The following CSRNP3 variants were observed in gnomAD, a reference collection of about 807,000 sequenced individuals.
CSRNP3 encodes cysteine/serine-rich nuclear protein 3.
A neutral mutation model predicts 48.0 loss-of-function variants in CSRNP3; 12 were observed. The observed-to-expected ratio is 0.25, with a 90% CI of 0.16 to 0.41. The LOEUF (loss-of-function observed/expected upper bound fraction) is 0.41. CSRNP3 is among the 10% of genes least tolerant of loss of function. CSRNP3 has a pLI of 1.00. For synonymous variants in CSRNP3, 263 were observed against 269.7 expected (o/e 0.98, Z 0.24); for missense variants, 580 against 724.4 (o/e 0.80, Z 2.29).
intron 1 of CSRNP3, among the ~76,000 whole-genome samples, chr2:165,478,684 T>C (rs1040869644): frequency 5.9e-5 from 9 of 152,358 alleles, no homozygotes; most frequent in Non-Finnish European, 8.8e-5. Flanking sequence ...GTAGGAAACC[T>C]ATGCCAAGTT....
At chr2:165,641,204 T>C (rs1409768377) in intron 4 of CSRNP3, among the ~76,000 whole-genome samples, 1 of 152,202 alleles carries the variant, frequency 6.6e-6, no homozygotes, top group African/African-American at 2.4e-5. Flanking sequence ...ACCACAACAA[T>C]GGTTCACCAG....
chr2:165,527,665 C>T (rs891840016), intron 3 of CSRNP3, among the ~76,000 whole-genome samples: 1 of 152,034 alleles, frequency 6.6e-6, no homozygotes, highest in African/African-American at 2.4e-5. Context: ...TTTCAGTAGG[C>T]TCCAAATTTC....
At chr2:165,623,249 G>C (rs1672448576) in intron 4 of CSRNP3, among the ~76,000 whole-genome samples, 1 of 152,186 alleles carries the variant, frequency 6.6e-6, no homozygotes, top group Admixed American at 6.5e-5. Context: ...TAAGAAGTGG[G>C]CCGCACAGCA....
intron 3 of CSRNP3, among the ~76,000 whole-genome samples, chr2:165,535,512 T>C (rs1684870690): frequency 6.6e-6 from 1 of 151,822 alleles, no homozygotes; most frequent in Non-Finnish European, 1.5e-5. Context: ...AGTCTACAAA[T>C]GGACAGATGA....
At chr2:165,476,571 C>T (rs898976478) in intron 1 of CSRNP3, among the ~76,000 whole-genome samples, 3 of 152,286 alleles carry the variant, frequency 2.0e-5, no homozygotes, top group East Asian at 1.9e-4. Flanking sequence ...GGCAGCATGC[C>T]GGTTTCTAGA....
Position 165,683,843 on chromosome 2 carries a change from T to C in CSRNP3, c.*4090T>C, listed in dbSNP as rs1229599092. On this transcript the variant is annotated 3_prime_UTR_variant, in exon 7 of 7. Coordinates refer to ENST00000651982, the MANE Select transcript of CSRNP3 (RefSeq NM_001172173.2). ...ACATCAGTTCTTGTCTAATTATATG[T>C]GAGCTGCAACTAAAAGATGCTTCCT... The C allele has an allele frequency of 6.6e-6, 1 of 152,140 alleles. No homozygotes were observed. Among genetic ancestry groups the C allele is most frequent in the Non-Finnish European group, 1.5e-5 (1 of 67,994 alleles). 9.4% of individuals were successfully genotyped at this position (152,140 alleles called of 1,614,324 possible). A position where few individuals can be genotyped will look rare whatever the true frequency, so the allele number is the denominator to read the frequency against.
intron 2 of CSRNP3, among the ~76,000 whole-genome samples, chr2:165,513,020 G>A (rs930769399): frequency 1.3e-4 from 20 of 152,170 alleles, no homozygotes; most frequent in Admixed American, 4.6e-4. Flanking sequence ...CAGGAGAATC[G>A]CTTGAACCCA....
At chr2:165,663,882 G>A (rs183158931) in intron 5 of CSRNP3, among the ~76,000 whole-genome samples, 1 of 152,110 alleles carries the variant, frequency 6.6e-6, no homozygotes, top group East Asian at 1.9e-4. Context: ...ATATTTACTA[G>A]CATTCTACTA....
At chr2:165,520,700 A>C (rs115664876) in intron 3 of CSRNP3, among the ~76,000 whole-genome samples, 2 of 138,792 alleles carry the variant, frequency 1.4e-5, no homozygotes, top group Admixed American at 1.4e-4. Context: ...GTATCTATCT[A>C]TCTATCTATC....
In CSRNP3 at chr2:165,542,508, A is replaced by G. The variant is rs192587044; in HGVS notation, c.-24+24547A>G. Among the ~76,000 whole-genome samples the G allele has an allele frequency of 3.6e-4, 55 of 152,234 alleles. 1 individual carries two copies. Among genetic ancestry groups the G allele is most frequent in the East Asian group, 5.8e-4 (3 of 5,172 alleles). On this transcript the variant is annotated intron_variant, in intron 3 of 6. Coordinates refer to ENST00000651982, the MANE Select transcript of CSRNP3 (RefSeq NM_001172173.2). ...TGTAAACTACTTTTTTAAGTTGTCA[A>G]TAGTTTGTGAGCACCTTCACTATAT...
chr2:165,522,119 C>T (rs1289863922), intron 3 of CSRNP3, among the ~76,000 whole-genome samples: 1 of 151,946 alleles, frequency 6.6e-6, no homozygotes, highest in Non-Finnish European at 1.5e-5. Context: ...GGCAAAGCCC[C>T]ATCTCTACAA....
intron 3 of CSRNP3, among the ~76,000 whole-genome samples, chr2:165,518,687 G>T (rs1684612217): frequency 6.6e-6 from 1 of 151,744 alleles, no homozygotes; most frequent in Admixed American, 6.6e-5. Flanking sequence ...TATATTGTGG[G>T]ACCCAATATC....
intron 3 of CSRNP3, among the ~76,000 whole-genome samples, chr2:165,529,529 T>C (rs572671548): frequency 2.2e-4 from 34 of 152,316 alleles, no homozygotes; most frequent in Non-Finnish European, 2.9e-5. Flanking sequence ...AAACCTATTT[T>C]TCTTCCCCTC....
Position 165,686,319 on chromosome 2 carries a change from T to G in CSRNP3, c.*6566T>G, listed in dbSNP as rs1294806376. On this transcript the variant is annotated 3_prime_UTR_variant, in exon 7 of 7. Coordinates refer to ENST00000651982, the MANE Select transcript of CSRNP3 (RefSeq NM_001172173.2). ...TCCTAATAATGGTTTTGCTGTTGTC[T>G]CTACATAGGGGACCTATGGAAAAGG... 1 of 152,018 alleles carries G rather than the reference T, an allele frequency of 6.6e-6. No individual in the cohort carries two copies. The highest frequency in any genetic ancestry group is 1.5e-5 in the Non-Finnish European group (1 of 67,960). The allele number at this position is 152,018 out of a possible 1,614,324, so 9.4% of individuals were successfully genotyped here.
intron 3 of CSRNP3, among the ~76,000 whole-genome samples, chr2:165,536,241 TGG>T (rs1684880346): frequency 6.6e-6 from 1 of 151,990 alleles, no homozygotes; most frequent in Admixed American, 6.6e-5. Context: ...AGTTCAGTAC[TGG>T]CAGCCTCAGA....
chr2:165,585,456 T>C (rs1341197826), intron 3 of CSRNP3, among the ~76,000 whole-genome samples: 2 of 152,118 alleles, frequency 1.3e-5, no homozygotes, highest in East Asian at 3.9e-4. Context: ...CCATTTGAAT[T>C]TGGTGAAGCA....
intron 5 of CSRNP3, among the ~76,000 whole-genome samples, chr2:165,671,716 T>C (rs934579236): frequency 6.6e-6 from 1 of 152,234 alleles, no homozygotes; most frequent in African/African-American, 2.4e-5. Context: ...TTGTTACTTA[T>C]GCAAATTTCT....
At chr2:165,666,235 G>C in intron 5 of CSRNP3, among the ~76,000 whole-genome samples, 1 of 124,310 alleles carries the variant, frequency 8.0e-6, no homozygotes, top group Non-Finnish European at 1.6e-5. Context: ...AAGGAAGGGA[G>C]GAAAGAGAGA....
At chr2:165,568,242 C>T (rs1332489290) in intron 3 of CSRNP3, among the ~76,000 whole-genome samples, 2 of 152,014 alleles carry the variant, frequency 1.3e-5, no homozygotes, top group Non-Finnish European at 2.9e-5. Flanking sequence ...GTCTTCTTTA[C>T]TCATTACTTT....
Sources: allele counts gnomAD v4.1 joint callset (sites outside exome capture counted in the v4.1 genomes callset), GRCh38; gene constraint gnomAD v4.1.1; transcripts MANE v1.5; gene names NCBI Gene and HGNC (gene_info 2026-07-23, HGNC 2026-07-21).